The following DENND4A variants were observed in gnomAD, a reference collection of about 807,000 sequenced individuals.
The protein encoded by DENND4A is DENN domain containing 4A.
In DENND4A, 70 loss-of-function variants were observed where a neutral mutation model predicts 199.3. The ratio of observed to expected loss-of-function variants is 0.35; its 90% confidence interval spans 0.29 to 0.43. The LOEUF (loss-of-function observed/expected upper bound fraction) is 0.43, where lower values mean the gene tolerates loss of function less well. Among genes scored for constraint, DENND4A ranks in the 20% least tolerant of loss-of-function variants. The pLI is 1.00. For missense variants in DENND4A, 1,723 were observed against 2,255.8 expected, an observed-to-expected ratio of 0.76 and a Z score of 4.78; for synonymous variants, 686 against 766.9, an observed-to-expected ratio of 0.89 and a Z score of 1.74.
chr15:65,755,012 C>G (rs530127368), intron 3 of DENND4A, among the ~76,000 whole-genome samples: 1 of 152,276 alleles, frequency 6.6e-6, no homozygotes, highest in Non-Finnish European at 1.5e-5. Context: ...TCTCAAACAT[C>G]CATCAACAGA....
chr15:65,747,439 A>G (rs1490969849), intron 4 of DENND4A, among the ~76,000 whole-genome samples: 1 of 152,222 alleles, frequency 6.6e-6, no homozygotes, highest in Non-Finnish European at 1.5e-5. Flanking sequence ...CAATCATGTA[A>G]CAGGCACAGA....
intron 7 of DENND4A, among the ~76,000 whole-genome samples, chr15:65,733,092 G>C (rs935350977): frequency 6.6e-6 from 1 of 152,154 alleles, no homozygotes; most frequent in African/African-American, 2.4e-5. Context: ...TACCTAGATA[G>C]TATGCAATAT....
intron 24 of DENND4A, among the ~76,000 whole-genome samples, chr15:65,673,630 GAA>G (rs78649250): frequency 0.011 from 1,201 of 110,170 alleles, 17 homozygotes; most frequent in African/African-American, 0.035. Flanking sequence ...TAACAAGGAG[GAA>G]AAAAAAAAAA....
rs377477941 is a variant in DENND4A, at chr15:65,696,445, A to C, written c.3003T>G (p.Ser1001Arg). The C allele has an allele frequency of 6.2e-7, 1 of 1,612,726 alleles. No homozygotes were observed. The highest frequency in any genetic ancestry group is 8.5e-7 in the Non-Finnish European group (1 of 1,179,174). The change falls in exon 22 of 33, where the codon AGT becomes AGG. Residue 1001 changes from serine to arginine, a missense_variant. By Grantham distance (110) the Ser-to-Arg change is moderately radical. Transcript: ENST00000443035. ...KGSADCLPKL[S>R]YQNSSSIVRL... ...GAACGATACTGGAAGAATTTTGATA[A>C]CTGAGCTTAGGAAGGCAATCAGCAC...
intron 2 of DENND4A, among the ~76,000 whole-genome samples, chr15:65,759,011 C>T (rs1053675660): frequency 6.6e-6 from 1 of 152,170 alleles, no homozygotes; most frequent in Non-Finnish European, 1.5e-5. Flanking sequence ...CAAAGACATT[C>T]TTACGTAGTA....
In DENND4A at chr15:65,691,530, G is replaced by C. The variant is rs756231233; in HGVS notation, c.3083-19C>G. ...GTGCTTTCTGAAAAACAAGTAAAGTGCTTTTAGCCATGAAAATATAATAGC... is the reference window on the plus strand; with the variant it reads ...GTGCTTTCTGAAAAACAAGTAAAGTCCTTTTAGCCATGAAAATATAATAGC... On this transcript the variant is annotated intron_variant, in intron 22 of 32. Transcript: ENST00000443035. 8.2e-5 allele frequency: 125 copies of C among 1,531,298 alleles called. No homozygotes were observed. The highest frequency in any genetic ancestry group is 2.6e-4 in the Admixed American group (11 of 42,736). The allele number at this position is 1,531,298 out of a possible 1,614,324, so 94.9% of individuals were successfully genotyped here.
intron 23 of DENND4A, chr15:65,680,618 T>C (rs1017496266): frequency 3.9e-5 from 6 of 152,204 alleles, no homozygotes; most frequent in Non-Finnish European, 5.9e-5. Context: ...AAAAAATTAA[T>C]GAGACTAAAT....
At chr15:65,757,256 C>T (rs1439532060) in intron 2 of DENND4A, among the ~76,000 whole-genome samples, 1 of 88,510 alleles carries the variant, frequency 1.1e-5, no homozygotes, top group African/African-American at 6.2e-5. Context: ...TTTTATTCTT[C>T]TGAGATGGGG....
At chr15:65,696,291 TAAA>T in intron 22 of DENND4A, 72 bp downstream of exon 22, 1 of 1,512,748 alleles carries the variant, frequency 6.6e-7, no homozygotes, top group Admixed American at 2.1e-5. Context: ...TTAAGACTAT[TAAA>T]AAAATAAGTA....
intron 4 of DENND4A, among the ~76,000 whole-genome samples, chr15:65,751,665 A>G (rs1414174949): frequency 1.3e-5 from 2 of 152,198 alleles, no homozygotes; most frequent in Admixed American, 1.3e-4. Flanking sequence ...AAAGCAAGAG[A>G]GTACCTAAGA....
chr15:65,690,206 A>C (rs2076924092), intron 23 of DENND4A, among the ~76,000 whole-genome samples: 1 of 152,206 alleles, frequency 6.6e-6, no homozygotes, highest in African/African-American at 2.4e-5. Context: ...ACTCTTTCAA[A>C]ACTGAACTAC....
intron 1 of DENND4A, among the ~76,000 whole-genome samples, chr15:65,785,327 A>G (rs1361832109): frequency 6.9e-6 from 1 of 145,958 alleles, no homozygotes; most frequent in Non-Finnish European, 1.5e-5. Flanking sequence ...CTCTACAAGA[A>G]AAAAAAAAAA....
rs2074836762 is a variant in DENND4A, at chr15:65,700,694, C to T, written c.2702-19G>A. 1.3e-6 allele frequency: 2 copies of T among 1,517,666 alleles called. No homozygotes were observed. The highest frequency in any genetic ancestry group is 1.8e-6 in the Non-Finnish European group (2 of 1,134,070). The allele number at this position is 1,517,666 out of a possible 1,614,324, so 94.0% of individuals were successfully genotyped here. Reference sequence around the variant, plus strand: ...CCATCTGCTTAAGAACACAATTTGACAGCATTTTACTACTCGAAGAGGTAA... The same window carrying T: ...CCATCTGCTTAAGAACACAATTTGATAGCATTTTACTACTCGAAGAGGTAA... On this transcript the variant is annotated intron_variant, in intron 19 of 32. Transcript: ENST00000443035.
chr15:65,781,304 TATC>T, intron 1 of DENND4A, among the ~76,000 whole-genome samples: 1 of 152,174 alleles, frequency 6.6e-6, no homozygotes, highest in East Asian at 1.9e-4. Context: ...ACTAAAACCT[TATC>T]ATGTTGACAA....
chr15:65,697,921 A>G (rs1455952633), intron 20 of DENND4A, among the ~76,000 whole-genome samples: 1 of 152,126 alleles, frequency 6.6e-6, no homozygotes, highest in East Asian at 1.9e-4. Flanking sequence ...AATACATGGG[A>G]ATGAGATAAA....
chr15:65,791,435 G>A (rs1428936262), intron 1 of DENND4A, among the ~76,000 whole-genome samples: 1 of 151,820 alleles, frequency 6.6e-6, no homozygotes, highest in African/African-American at 2.4e-5. Context: ...GTGGTAACCA[G>A]GAACAGTTCC....
In DENND4A at chr15:65,701,742, C is replaced by G; in HGVS notation, c.2559+20G>C. 3.1e-6 allele frequency: 5 copies of G among 1,609,028 alleles called. No homozygotes were observed. The South Asian group carries it at 5.5e-5, about 18-fold the overall frequency. ...AATGACAAAAGTAATACTCTTTATC[C>G]ATTAAACCAAGGTATTTACCTTATT... On this transcript the variant is annotated intron_variant, in intron 18 of 32. Transcript: ENST00000443035.
chr15:65,761,094 G>A (rs1292493256), intron 2 of DENND4A, among the ~76,000 whole-genome samples: 3 of 152,130 alleles, frequency 2.0e-5, no homozygotes, highest in Non-Finnish European at 4.4e-5. Flanking sequence ...ATTCACAATA[G>A]AACGCAGGAA....
intron 12 of DENND4A, among the ~76,000 whole-genome samples, chr15:65,719,998 T>C (rs1475759583): frequency 6.6e-6 from 1 of 152,158 alleles, no homozygotes; most frequent in African/African-American, 2.4e-5. Flanking sequence ...TCTTCAAAGA[T>C]GGCAGAGAAT....
Sources: allele counts gnomAD v4.1 joint callset (sites outside exome capture counted in the v4.1 genomes callset), GRCh38; gene constraint gnomAD v4.1.1; transcripts MANE v1.5; gene names NCBI Gene and HGNC (gene_info 2026-07-23, HGNC 2026-07-21).